Variants in PDZD4 observed in about 807,000 individuals in gnomAD.
PDZD4 encodes the protein PDZ domain containing 4, also known as PDZ domain-containing protein 4.
In PDZD4, 9 loss-of-function variants were observed where a neutral mutation model predicts 38.5. The observed-to-expected ratio is 0.23, with a 90% CI of 0.14 to 0.41. The LOEUF is 0.41. PDZD4 is among the 10% of genes least tolerant of loss of function. The pLI, the probability that PDZD4 is intolerant of heterozygous loss-of-function variation, is 1.00. For missense variants in PDZD4, 612 were observed against 722.0 expected (o/e 0.85, Z 1.75); for synonymous variants, 349 against 315.7 (o/e 1.11, Z -1.12).
chrX:153,804,198 C>T lies in PDZD4; in HGVS notation c.1483G>A (p.Glu495Lys). ...GCCATGGCCCGCCGCAGGGGGCTCT[C>T]GGGCAGGGGCTCCACAAGCAGCGGG... is the stretch of plus-strand genomic sequence containing the variant. Reference protein sequence around the residue: ...STPLLVEPLPESPLRRAMAGN... With the variant: ...STPLLVEPLPKSPLRRAMAGN... The change falls in exon 8 of 8, where the codon GAG becomes AAG. Residue 495 changes from glutamate to lysine, a missense_variant. Around this residue, in one of 3 missense-constraint regions of PDZD4, gnomAD observed 300 missense variants for 284.6 expected, o/e 1.05. Transcript: ENST00000393758. The T allele has an allele frequency of 8.3e-7, 1 of 1,199,175 alleles. No homozygotes were observed. The highest frequency in any genetic ancestry group is 1.1e-6 in the Non-Finnish European group (1 of 889,676).
intron 1 of PDZD4, among the ~76,000 whole-genome samples, chrX:153,826,599 A>G (rs970144704): frequency 8.2e-5 from 9 of 110,015 alleles, no homozygotes; most frequent in African/African-American, 3.0e-4. Context: ...TTTAGTAGAG[A>G]CGGGGTTCCA....
intron 1 of PDZD4, among the ~76,000 whole-genome samples, chrX:153,822,960 A>G (rs895037117): frequency 1.8e-5 from 2 of 112,007 alleles, no homozygotes; most frequent in African/African-American, 3.2e-5. Flanking sequence ...AGAAATTCTC[A>G]GAATAATATT....
rs1482401128 is a variant in PDZD4, at chrX:153,802,925, C to G, written c.*428G>C. The G allele has an allele frequency of 1.6e-5, 2 of 126,104 alleles. No homozygotes were observed. Among genetic ancestry groups the G allele is most frequent in the African/African-American group, 3.1e-5 (1 of 31,752 alleles). The allele number at this position is 126,104 out of a possible 1,213,427, so 10.4% of individuals were successfully genotyped here. A position where few individuals can be genotyped will look rare whatever the true frequency, so the allele number is the denominator to read the frequency against. On this transcript the variant is annotated 3_prime_UTR_variant, in exon 8 of 8. Coordinates refer to ENST00000393758, the MANE Select transcript of PDZD4 (RefSeq NM_001303512.2). ...GCAGTGCGCAGCGGCGGGGAGAGGC[C>G]GCGCTCAGCAGCGAAGCCGGACACT...
intron 1 of PDZD4, among the ~76,000 whole-genome samples, chrX:153,809,506 G>C (rs1051855537): frequency 1.8e-5 from 2 of 112,541 alleles, no homozygotes; most frequent in African/African-American, 3.2e-5. Context: ...AAAATGGCAT[G>C]AACCCAGGAG....
intron 3 of PDZD4, 92 bp from the exon 4 acceptor site, chrX:153,806,932 G>A (rs888161972): frequency 5.5e-5 from 42 of 768,242 alleles, no homozygotes; most frequent in South Asian, 1.2e-4. Flanking sequence ...CCCTCAGCCC[G>A]CAACCCCTCA....
chrX:153,814,977 GC>G (rs1557079559), intron 1 of PDZD4, among the ~76,000 whole-genome samples: 1 of 112,677 alleles, frequency 8.9e-6, no homozygotes, highest in African/African-American at 3.2e-5. Context: ...TAATCGAAGT[GC>G]TCAGAGCGCC....
Position 153,830,403 on chromosome X carries a change from T to G in PDZD4, c.-105A>C. ...CGGGCCGGGGCCAGGGGCCATACCC[T>G]GGCGCGGGGGGCGGGCCGCCTAGCG... On this transcript the variant is annotated 5_prime_UTR_variant, in exon 1 of 8. Transcript: ENST00000393758. The G allele has an allele frequency of 5.7e-5, 30 of 527,001 alleles. No homozygotes were observed. Among genetic ancestry groups the G allele is most frequent in the Non-Finnish European group, 6.0e-5 (21 of 350,887 alleles). 43.4% of individuals were successfully genotyped at this position (527,001 alleles called of 1,213,427 possible). A position where few individuals can be genotyped will look rare whatever the true frequency, so the allele number is the denominator to read the frequency against.
intron 1 of PDZD4, among the ~76,000 whole-genome samples, chrX:153,826,992 G>A (rs1557082658): frequency 8.9e-6 from 1 of 111,816 alleles, no homozygotes; most frequent in Admixed American, 9.5e-5. Context: ...AATTAATATG[G>A]AAACTTGAGG....
At position 153,803,184 on chromosome X, in the gene PDZD4, TTCTC is replaced by T; in HGVS notation, c.*165_*168del. 1 of 332,730 alleles carries T rather than the reference TTCTC, an allele frequency of 3.0e-6. No individual in the cohort carries two copies. Among genetic ancestry groups the T allele is most frequent in the Non-Finnish European group, 5.0e-6 (1 of 201,162 alleles). 27.4% of individuals were successfully genotyped at this position (332,730 alleles called of 1,213,427 possible). A position where few individuals can be genotyped will look rare whatever the true frequency, so the allele number is the denominator to read the frequency against. ...AAAAGCGTCCCTTCTCCTCAGGGGC[TTCTC>T]TCTGCTAACAAAGCCCTGTGCGCAC... On this transcript the variant is annotated 3_prime_UTR_variant, in exon 8 of 8. Transcript: ENST00000393758.
intron 1 of PDZD4, among the ~76,000 whole-genome samples, chrX:153,827,658 AG>A (rs1245015242): frequency 8.9e-6 from 1 of 112,419 alleles, no homozygotes; most frequent in Non-Finnish European, 1.9e-5. Context: ...CCATAGAGAC[AG>A]GAAGTAGATT....
chrX:153,807,800 G>A, intron 2 of PDZD4: 1 of 945,148 alleles, frequency 1.1e-6, no homozygotes, highest in Non-Finnish European at 1.4e-6. Flanking sequence ...TCCAGGGGCT[G>A]CCCTCCTGGC....
In PDZD4 at chrX:153,804,726, G is replaced by A; in HGVS notation, c.955C>T (p.Arg319Cys). ...PSSTNTPGSLRKFGLQGDALQ... is the reference protein window; with the variant it reads ...PSSTNTPGSLCKFGLQGDALQ... ...GCGTCCCCTTGCAGGCCAAACTTGC[G>A]CAGGCTTCCCGGGGTGTTGGTGGAG... Residue 319 changes from arginine (R) to cysteine (C), a missense_variant, in exon 8 of 8, where the codon CGC becomes TGC. This residue lies in a region of PDZD4 where 225 missense variants were observed against 311.0 expected (regional missense o/e 0.72). Transcript: ENST00000393758. The A allele has an allele frequency of 8.3e-7, 1 of 1,210,970 alleles. No homozygotes were observed. Among genetic ancestry groups the A allele is most frequent in the Non-Finnish European group, 1.1e-6 (1 of 895,512 alleles).
chrX:153,820,369 A>AG (rs2064410168), intron 1 of PDZD4, among the ~76,000 whole-genome samples: 1 of 102,006 alleles, frequency 9.8e-6, no homozygotes, highest in Non-Finnish European at 2.0e-5. Context: ...AAAAAAAAAA[A>AG]AAAAAGCGAG....
At chrX:153,809,309 G>A (rs190778722) in intron 1 of PDZD4, among the ~76,000 whole-genome samples, 23 of 112,871 alleles carry the variant, frequency 2.0e-4, no homozygotes, top group African/African-American at 6.7e-4. Context: ...CCACTAGGCC[G>A]GGTGCGGTGG....
rs782501878 is a variant in PDZD4 at position 153,804,422 on chromosome X, C to T, written c.1259G>A (p.Arg420His). 4.1e-6 allele frequency: 5 copies of T among 1,209,891 alleles called. No homozygotes were observed. Among genetic ancestry groups the T allele is most frequent in the South Asian group, 3.5e-5 (2 of 57,028 alleles). ...EELRHLEFKCRNILRAQKMQQ... is the reference protein window; with the variant it reads ...EELRHLEFKCHNILRAQKMQQ... Reference sequence around the variant, plus strand: ...CATCTTCTGCGCCCGCAGTATGTTGCGGCACTTGAATTCCAGGTGCCTTAG... The same window carrying T: ...CATCTTCTGCGCCCGCAGTATGTTGTGGCACTTGAATTCCAGGTGCCTTAG... Residue 420 changes from arginine to histidine, a missense_variant, in exon 8 of 8, where the codon CGC (arginine) becomes CAC (histidine). This residue lies in a region of PDZD4 where 300 missense variants were observed against 284.6 expected (regional missense o/e 1.05). Transcript: ENST00000393758.
chrX:153,825,886 T>C (rs1414943819), intron 1 of PDZD4, among the ~76,000 whole-genome samples: 1 of 112,058 alleles, frequency 8.9e-6, no homozygotes, highest in African/African-American at 3.2e-5. Context: ...TTCAACATTG[T>C]ACTAGAGACT....
At chrX:153,806,214 C>T in intron 4 of PDZD4, 81 bp from the exon 5 acceptor site, 1 of 991,841 alleles carries the variant, frequency 1.0e-6, no homozygotes, top group Non-Finnish European at 1.4e-6. Flanking sequence ...TCAGGGGCCC[C>T]CAAAGCAAGC....
At chrX:153,819,417 C>T (rs2064398335) in intron 1 of PDZD4, among the ~76,000 whole-genome samples, 1 of 112,699 alleles carries the variant, frequency 8.9e-6, no homozygotes, top group Non-Finnish European at 1.9e-5. Flanking sequence ...GCTTGTCACA[C>T]GGCGCCTGCG....
chrX:153,807,795 G>A (rs2064268547), intron 2 of PDZD4: 29 of 940,640 alleles, frequency 3.1e-5, no homozygotes, highest in Non-Finnish European at 3.9e-5. Context: ...CTACCTCCAG[G>A]GGCTGCCCTC....
Sources: gnomAD v4.1 joint callset for allele counts (sites outside exome capture counted in the v4.1 genomes callset) on GRCh38, gnomAD v4.1.1 for gene constraint, gnomAD v4.1.1 regional missense constraint, MANE v1.5 for transcripts, NCBI Gene and HGNC (gene_info 2026-07-23, HGNC 2026-07-21) for gene names.